The following NETO1 variants were observed in gnomAD, a reference collection of about 807,000 sequenced individuals.
NETO1 encodes neuropilin and tolloid like 1.
In NETO1, 26 loss-of-function variants were observed where a neutral mutation model predicts 61.3. That is an observed-to-expected ratio of 0.42 (90% CI 0.31 to 0.59). NETO1 has a LOEUF of 0.59. NETO1 is among the 20% of genes least tolerant of loss of function. NETO1 has a pLI of 0.12. For missense variants in NETO1, 531 were observed against 662.8 expected (o/e 0.80, Z 2.18); for synonymous variants, 225 against 225.8 (o/e 1.00, Z 0.03).
rs2072252733 is a variant in NETO1 at position 72,794,698 on chromosome 18, C to T, written c.470-294G>A. Among the ~76,000 whole-genome samples, 3 of 152,238 alleles carry T rather than the reference C, an allele frequency of 2.0e-5. No homozygotes were observed. In the South Asian group the frequency reaches 6.2e-4, roughly 32 times the overall value. ...TATCAAATAAAAATCTTACTCATTA[C>T]CTATAACTCCATAGGTAGAATAATT... On this transcript the variant is annotated intron_variant, in intron 4 of 10. Coordinates refer to ENST00000327305, the MANE Select transcript of NETO1 (RefSeq NM_138966.5).
intron 4 of NETO1, chr18:72,835,379 T>A (rs1004477637): frequency 1.3e-5 from 18 of 1,433,276 alleles, no homozygotes; most frequent in Non-Finnish European, 1.5e-5. Flanking sequence ...CAGGCATGAA[T>A]TGTAGGAAGT....
At chr18:72,758,338 TTA>T (rs1486525288) in intron 7 of NETO1, among the ~76,000 whole-genome samples, 1 of 151,088 alleles carries the variant, frequency 6.6e-6, no homozygotes, top group African/African-American at 2.4e-5. Context: ...AATATGCCAG[TTA>T]ATTAGGAGTT....
At chr18:72,789,067 T>C (rs1477241339) in intron 6 of NETO1, among the ~76,000 whole-genome samples, 1 of 152,166 alleles carries the variant, frequency 6.6e-6, no homozygotes, top group Non-Finnish European at 1.5e-5. Flanking sequence ...CCAGGATTTC[T>C]GAATTTTCTA....
intron 7 of NETO1, among the ~76,000 whole-genome samples, chr18:72,773,710 G>A (rs931868950): frequency 3.3e-5 from 5 of 151,992 alleles, no homozygotes; most frequent in South Asian, 4.2e-4. Flanking sequence ...GGTGCCTTCC[G>A]CCATGATTGT....
chr18:72,866,846 T>A, intron 1 of NETO1: 1 of 991,462 alleles, frequency 1.0e-6, no homozygotes, highest in Admixed American at 5.8e-5. Flanking sequence ...TGCTACCTCC[T>A]GTACTGCGAA....
intron 7 of NETO1, among the ~76,000 whole-genome samples, chr18:72,779,384 A>G (rs2071663676): frequency 2.0e-5 from 3 of 151,978 alleles, no homozygotes; most frequent in African/African-American, 4.8e-5. Context: ...CTGTTTAACT[A>G]TCACCCTCTA....
Position 72,858,756 on chromosome 18 carries a change from C to T in NETO1, c.469+70G>A, listed in dbSNP as rs1403257398. On this transcript the variant is annotated intron_variant, in intron 4 of 10. Transcript: ENST00000327305. The stretch of plus-strand genomic sequence containing the variant: ...TGAGAAAGTATAATGTTGTCTTACA[C>T]AAGATTTTGTACTATGAAGATAGAA... The T allele has an allele frequency of 2.8e-6, 4 of 1,414,524 alleles. No homozygotes were observed. In the African/African-American group the frequency reaches 5.8e-5, roughly 20 times the overall value. The allele number at this position is 1,414,524 out of a possible 1,614,324, so 87.6% of individuals were successfully genotyped here. A position where few individuals can be genotyped will look rare whatever the true frequency, so the allele number is the denominator to read the frequency against.
At chr18:72,865,146 T>A (rs1331608609) in intron 2 of NETO1, 42 bp downstream of exon 2, 2 of 1,576,456 alleles carry the variant, frequency 1.3e-6, no homozygotes, top group Non-Finnish European at 1.7e-6. Flanking sequence ...AAATACAAAA[T>A]AATTCGAGGT....
intron 4 of NETO1, among the ~76,000 whole-genome samples, chr18:72,820,136 A>T (rs1000778853): frequency 6.6e-6 from 1 of 152,246 alleles, no homozygotes; most frequent in Non-Finnish European, 1.5e-5. Context: ...ACTCTAAAAA[A>T]TTTTAAAATG....
chr18:72,750,430 A>G lies in NETO1; in HGVS notation c.1173T>C (p.Pro391=), dbSNP rs1458689592. ...QTVFQEVFEP[P]HYELCTLRGT... Reference sequence around the variant, plus strand: ...CTCTGAGAGTGCATAACTCATAATGAGGAGGTTCAAATACCTCCTGGAAAA... The same window carrying G: ...CTCTGAGAGTGCATAACTCATAATGGGGAGGTTCAAATACCTCCTGGAAAA... The change falls in exon 9 of 11, where the codon CCT becomes CCC. Residue 391 remains proline, a synonymous_variant. Transcript: ENST00000327305. 1 of 1,614,124 alleles carries G rather than the reference A, an allele frequency of 6.2e-7. No homozygotes were observed. Among genetic ancestry groups the G allele is most frequent in the East Asian group, 2.2e-5 (1 of 44,866 alleles).
intron 7 of NETO1, among the ~76,000 whole-genome samples, chr18:72,759,620 C>A (rs2070903384): frequency 6.6e-6 from 1 of 152,174 alleles, no homozygotes; most frequent in Admixed American, 6.5e-5. Context: ...AGGCCATGGT[C>A]TTCCAATCAA....
intron 1 of NETO1, 34 bp downstream of exon 1, chr18:72,867,230 G>T (rs773803204): frequency 6.6e-7 from 1 of 1,519,000 alleles, no homozygotes; most frequent in Non-Finnish European, 8.9e-7. Flanking sequence ...GGCTGGCTCC[G>T]GGAGCGCACG....
chr18:72,752,999 G>C lies in NETO1; in HGVS notation c.983-2379C>G, dbSNP rs118134959. On this transcript the variant is annotated intron_variant, in intron 8 of 10. Transcript: ENST00000327305. ...AAAACAAGAAGGCAGAACAATAACA[G>C]AGCCTCAGAAAAAAAAATGTGGCAA... Among the ~76,000 whole-genome samples, 720 of 151,696 alleles carry C rather than the reference G, an allele frequency of 4.7e-3. 5 individuals are homozygous for C. The highest frequency in any genetic ancestry group is 5.2e-3 in the Non-Finnish European group (354 of 67,912).
intron 4 of NETO1, among the ~76,000 whole-genome samples, chr18:72,818,358 A>G (rs1337062224): frequency 6.6e-6 from 1 of 152,154 alleles, no homozygotes; most frequent in African/African-American, 2.4e-5. Flanking sequence ...GTATCACATA[A>G]AACAGATTCT....
intron 4 of NETO1, among the ~76,000 whole-genome samples, chr18:72,851,598 C>G (rs895394855): frequency 6.6e-5 from 10 of 152,050 alleles, no homozygotes; most frequent in Admixed American, 6.6e-4. Context: ...GAATCATGCA[C>G]TTTAGGCTCA....
At chr18:72,762,573 C>T (rs9636079) in intron 7 of NETO1, among the ~76,000 whole-genome samples, 45,874 of 151,980 alleles carry the variant, frequency 0.3, 8,145 homozygotes, top group South Asian at 0.41. Flanking sequence ...TGAAAAAATA[C>T]GAAATGTTAA....
At chr18:72,838,497 C>T (rs544309548) in intron 4 of NETO1, among the ~76,000 whole-genome samples, 11 of 152,256 alleles carry the variant, frequency 7.2e-5, no homozygotes, top group African/African-American at 2.2e-4. Context: ...ATTGTTAAAC[C>T]AAGAGGTGGT....
intron 6 of NETO1, among the ~76,000 whole-genome samples, chr18:72,787,542 C>A (rs2071963416): frequency 6.6e-6 from 1 of 152,140 alleles, no homozygotes; most frequent in African/African-American, 2.4e-5. Flanking sequence ...CATGTAGAAA[C>A]ACACCTTAAA....
intron 8 of NETO1, among the ~76,000 whole-genome samples, chr18:72,752,564 C>T (rs916006679): frequency 6.6e-6 from 1 of 151,842 alleles, no homozygotes; most frequent in Non-Finnish European, 1.5e-5. Context: ...TTCAGAGATG[C>T]TACTAATCTA....
Sources: allele counts gnomAD v4.1 joint callset (sites outside exome capture counted in the v4.1 genomes callset), GRCh38; gene constraint gnomAD v4.1.1; transcripts MANE v1.5; gene names NCBI Gene and HGNC (gene_info 2026-07-23, HGNC 2026-07-21).